AGAP2: variants seen among roughly 807,000 people sequenced by gnomAD.
AGAP2 encodes the protein ArfGAP with GTPase domain, ankyrin repeat and PH domain 2, also known as arf-GAP with GTPase, ANK repeat and PH domain-containing protein 2.
AGAP2 carries 32 observed loss-of-function variants against 110.9 expected under a neutral mutation model. The observed-to-expected ratio is 0.29, with a 90% CI of 0.22 to 0.39. The LOEUF is 0.39. Ranked by LOEUF, AGAP2 falls within the 10% of genes least tolerant of loss-of-function variation. The probability of loss-of-function intolerance (pLI) is 1.00; values close to 1 mark genes in which losing one functional copy is unlikely to be tolerated. For synonymous variants in AGAP2, 702 were observed against 713.0 expected, an observed-to-expected ratio of 0.98 and a Z score of 0.25; for missense variants, 1,285 against 1,638.5, an observed-to-expected ratio of 0.78 and a Z score of 3.72.
At chr12:57,732,143 A>G (rs1271121128) in intron 7 of AGAP2, among the ~76,000 whole-genome samples, 176 bp from the exon 8 acceptor site, 1 of 152,238 alleles carries the variant, frequency 6.6e-6, no homozygotes, top group African/African-American at 2.4e-5. Flanking sequence ...TAAATGTTGT[A>G]AAGGTTGATT....
rs1437599713 is a variant in AGAP2 at position 57,726,906 on chromosome 12, T to G, written c.3336+68A>C. ...CGGGGTCCCTCTGGGAATTTCGGGC[T>G]TTCCCGCGCCAGGCGTTTTCCGAGA... is the stretch of plus-strand genomic sequence containing the variant. On this transcript the variant is annotated intron_variant, in intron 18 of 18. Transcript: ENST00000547588. The surrounding 1 kb of genome is among the most constrained non-coding windows in gnomAD (Gnocchi z 5.7). 2.7e-6 allele frequency: 4 copies of G among 1,485,990 alleles called. No homozygotes were observed. In the Admixed American group the frequency reaches 9.2e-5, roughly 34 times the overall value. The allele number at this position is 1,485,990 out of a possible 1,614,324, so 92.1% of individuals were successfully genotyped here.
intron 10 of AGAP2, 142 bp from the exon 11 acceptor site, chr12:57,731,095 G>A: frequency 4.2e-6 from 4 of 959,212 alleles, no homozygotes; most frequent in Non-Finnish European, 6.0e-6. Flanking sequence ...TAGGGGATGG[G>A]CCCATCAGAC....
At chr12:57,741,998 G>A (rs755630627), upstream of AGAP2, 2 of 1,614,044 alleles carry the variant, frequency 1.2e-6, no homozygotes, top group Admixed American at 1.7e-5. Flanking sequence ...GCGGTTTAGA[G>A]CCTGCTTGGC....
chr12:57,729,587 T>C (rs1954844253), intron 13 of AGAP2, 52 bp downstream of exon 13: 1 of 1,582,642 alleles, frequency 6.3e-7, no homozygotes, highest in Non-Finnish European at 8.6e-7. Flanking sequence ...AGGGAGCTGA[T>C]GTTGGGGATG....
chr12:57,738,945 C>A (rs1194702305), upstream of AGAP2, among the ~76,000 whole-genome samples: 1 of 151,942 alleles, frequency 6.6e-6, no homozygotes, highest in Non-Finnish European at 1.5e-5. This position sits in a 1 kb window ranked among gnomAD's most constrained non-coding sequence, Gnocchi z 6.7. Flanking sequence ...CGCGCTGTGT[C>A]CGGGCGCTCC....
rs1432619645 is a variant in AGAP2 at position 57,727,415 on chromosome 12, G to T, written c.3025C>A (p.Arg1009Ser). 1.9e-6 allele frequency: 3 copies of T among 1,613,342 alleles called. No homozygotes were observed. Among genetic ancestry groups the T allele is most frequent in the Non-Finnish European group, 2.5e-6 (3 of 1,179,906 alleles). Residue 1009 changes from arginine to serine, a missense_variant, in exon 17 of 19, where the codon CGC (arginine) becomes AGC (serine). Physicochemically the swap from Arg to Ser is moderately radical, Grantham distance 110. Transcript: ENST00000547588. ...CCTCGCGTGTCGCTTTCCCACACGC[G>T]GTTGGCCGTGTCGTTGCCAATAGCC... is the stretch of plus-strand genomic sequence containing the variant. ...LTAIGNDTAN[R>S]VWESDTRGRA...
intron 1 of AGAP2, 49 bp from the exon 2 acceptor site, chr12:57,735,476 A>AC (rs1402763836): frequency 6.4e-7 from 1 of 1,554,376 alleles, no homozygotes; most frequent in African/African-American, 1.4e-5. Flanking sequence ...GCTCAGAAGG[A>AC]CCCCCAACAC....
rs1157148065 is a variant in AGAP2, at chr12:57,734,690, G to A, written c.1228-11C>T. 15 of 1,613,818 alleles carry A rather than the reference G, an allele frequency of 9.3e-6. No homozygotes were observed. The highest frequency in any genetic ancestry group is 2.2e-5 in the East Asian group (1 of 44,882). Reference sequence around the variant, plus strand: ...ATCGCCCAGCACACCCTGAGGGCAAGGTTGTGGAGCAGAAATTGTGGGATA... The same window carrying A: ...ATCGCCCAGCACACCCTGAGGGCAAAGTTGTGGAGCAGAAATTGTGGGATA... On this transcript the variant is annotated splice_polypyrimidine_tract_variant and intron_variant, in intron 2 of 18. Coordinates refer to ENST00000547588, the MANE Select transcript of AGAP2 (RefSeq NM_001122772.3).
intron 7 of AGAP2, 24 bp from the exon 8 acceptor site, chr12:57,731,991 C>G: frequency 1.2e-6 from 2 of 1,610,724 alleles, no homozygotes; most frequent in Non-Finnish European, 1.7e-6. Context: ...GAAGAGTCAG[C>G]AGAGCTGAGA....
At chr12:57,729,858 G>A (rs1363925644) in intron 12 of AGAP2, 91 bp from the exon 13 acceptor site, 2 of 1,501,000 alleles carry the variant, frequency 1.3e-6, no homozygotes, top group African/African-American at 1.4e-5. Flanking sequence ...ACTAGCTTTG[G>A]CATTTTAGGG....
chr12:57,737,689 A>G lies in AGAP2; in HGVS notation c.558T>C (p.Ala186=). The change falls in exon 1 of 19, where the codon GCT becomes GCC. Residue 186 remains alanine, a synonymous_variant. Coordinates refer to ENST00000547588, the MANE Select transcript of AGAP2 (RefSeq NM_001122772.3). This position sits in a 1 kb window ranked among gnomAD's most constrained non-coding sequence, Gnocchi z 5.9. The part of the protein sequence containing the change: ...RRLKVAPPPP[A]PKPCKTVTTS... ...TGGTCACGGTCTTGCAAGGCTTGGG[A>G]GCCGGCGGAGGAGGCGCCACCTTGA... 6.5e-7 allele frequency: 1 copy of G among 1,549,420 alleles called. No individual in the cohort carries two copies. The highest frequency in any genetic ancestry group is 8.7e-7 in the Non-Finnish European group (1 of 1,149,660).
At position 57,734,337 on chromosome 12, in the gene AGAP2, A is replaced by T; in HGVS notation, c.1383T>A (p.Ala461=). ...QTHLVLIREE[A]GAPDAKFSGW... ...CCCTCACCTTGGCATCAGGTGCCCCAGCTTCCTCTCGGATTAGCACCAGAT... is the reference window on the plus strand; with the variant it reads ...CCCTCACCTTGGCATCAGGTGCCCCTGCTTCCTCTCGGATTAGCACCAGAT... The change falls in exon 4 of 19, where the codon GCT becomes GCA. Residue 461 remains alanine, a synonymous_variant. Coordinates refer to ENST00000547588, the MANE Select transcript of AGAP2 (RefSeq NM_001122772.3). 1 of 1,614,132 alleles carries T rather than the reference A, an allele frequency of 6.2e-7. No individual in the cohort carries two copies. Among genetic ancestry groups the T allele is most frequent in the Non-Finnish European group, 8.5e-7 (1 of 1,180,024 alleles).
intron 3 of AGAP2, 79 bp from the exon 4 acceptor site, chr12:57,734,483 T>TA: frequency 1.3e-6 from 2 of 1,588,394 alleles, no homozygotes; most frequent in Non-Finnish European, 1.7e-6. Flanking sequence ...GTGCTTTTGC[T>TA]ATTATGGCCT....
At chr12:57,724,991 C>T (rs749230969), downstream of AGAP2, 4 of 152,608 alleles carry the variant, frequency 2.6e-5, no homozygotes, top group Non-Finnish European at 5.9e-5. Context: ...CCCAGGGTCC[C>T]CACTGACTCC....
Position 57,738,138 on chromosome 12 carries a change from C to T in AGAP2, c.109G>A (p.Ala37Thr). 2 of 1,521,962 alleles carry T rather than the reference C, an allele frequency of 1.3e-6. No homozygotes were observed. The highest frequency in any genetic ancestry group is 1.4e-5 in the African/African-American group (1 of 71,116). 94.3% of individuals were successfully genotyped at this position (1,521,962 alleles called of 1,614,324 possible). ...CTGGCACCGGCGGCGCCGGCCGCGGCCGCAGACGGAGAAGGCGGCGGCGGA... is the reference window on the plus strand; with the variant it reads ...CTGGCACCGGCGGCGCCGGCCGCGGTCGCAGACGGAGAAGGCGGCGGCGGA... ...VPPPPPSPSA[A>T]AAGAAGARGS... The change falls in exon 1 of 19, where the codon GCC (alanine) becomes ACC (threonine). Residue 37 changes from alanine (A) to threonine (T), a missense_variant. By Grantham distance (58) the Ala-to-Thr change is moderately conservative (BLOSUM62 0). Transcript: ENST00000547588. The surrounding 1 kb of genome is among the most constrained non-coding windows in gnomAD (Gnocchi z 6.7).
rs1050792822 is a variant in AGAP2 at position 57,735,020 on chromosome 12, G to T, written c.1228-341C>A. The stretch of plus-strand genomic sequence containing the variant: ...TGTGTGTGTGTCTCTGTGTGTGTGT[G>T]TTTGTAGCATGTCACAGCTCTAGGC... On this transcript the variant is annotated intron_variant, in intron 2 of 18. Transcript: ENST00000547588. 5.9e-5 allele frequency among the ~76,000 whole-genome samples: 9 copies of T among 151,430 alleles called. No individual in the cohort carries two copies. The Admixed American group carries it at 6.0e-4, about 10-fold the overall frequency.
rs758550845 is a variant in AGAP2 at position 57,729,681 on chromosome 12, T to A, written c.2515A>T (p.Thr839Ser). 10 of 1,613,678 alleles carry A rather than the reference T, an allele frequency of 6.2e-6. No individual in the cohort carries two copies. The highest frequency in any genetic ancestry group is 7.6e-6 in the Non-Finnish European group (9 of 1,179,888). ...MVKKQRRKKL[T>S]TPSKTEGSAG... ...GAGCCTTCAGTCTTGGATGGTGTTGTCAATTTTTTCCTCCTCTGCTTCTTC... is the reference window on the plus strand; with the variant it reads ...GAGCCTTCAGTCTTGGATGGTGTTGACAATTTTTTCCTCCTCTGCTTCTTC... The change falls in exon 13 of 19, where the codon ACA becomes TCA. Residue 839 changes from threonine to serine, a missense_variant. Around this residue, in one of 7 missense-constraint regions of AGAP2, gnomAD observed 135 missense variants for 182.0 expected, o/e 0.74. Coordinates refer to ENST00000547588, the MANE Select transcript of AGAP2 (RefSeq NM_001122772.3).
Position 57,727,500 on chromosome 12 carries a change from C to G in AGAP2, c.2940G>C (p.Leu980=), listed in dbSNP as rs1399257493. Residue 980 remains leucine, a synonymous_variant, in exon 17 of 19, where the codon CTG becomes CTC. Coordinates refer to ENST00000547588, the MANE Select transcript of AGAP2 (RefSeq NM_001122772.3). The part of the protein sequence containing the change: ...SGIHRNLGTH[L]SRVRSLDLDD... ...CCAAGTCCAGCGAGCGAACGCGGGA[C>G]AGGTGTGTGCCCAGGTTGCGGTGGA... 8 of 1,612,616 alleles carry G rather than the reference C, an allele frequency of 5.0e-6. No homozygotes were observed. The highest frequency in any genetic ancestry group is 6.8e-6 in the Non-Finnish European group (8 of 1,179,606).
chr12:57,738,385 C>A lies in AGAP2; in HGVS notation c.-139G>T, dbSNP rs1222122479. Reference sequence around the variant, plus strand: ...GCCCCCGGCCCGGCTCCGCTGTCGCCGCCGCCTCCGCCGCCTCCGCTTGCG... The same window carrying A: ...GCCCCCGGCCCGGCTCCGCTGTCGCAGCCGCCTCCGCCGCCTCCGCTTGCG... On this transcript the variant is annotated 5_prime_UTR_variant, in exon 1 of 19. Coordinates refer to ENST00000547588, the MANE Select transcript of AGAP2 (RefSeq NM_001122772.3). This position sits in a 1 kb window ranked among gnomAD's most constrained non-coding sequence, Gnocchi z 6.7. 1.8e-5 allele frequency: 19 copies of A among 1,042,412 alleles called. No homozygotes were observed. The highest frequency in any genetic ancestry group is 2.2e-5 in the Non-Finnish European group (18 of 823,538). The allele number at this position is 1,042,412 out of a possible 1,614,324, so 64.6% of individuals were successfully genotyped here.
Sources: gnomAD v4.1 joint callset for allele counts (sites outside exome capture counted in the v4.1 genomes callset) on GRCh38, gnomAD v4.1.1 for gene constraint, gnomAD v4.1.1 regional missense constraint, Gnocchi (gnomAD v3.1) non-coding constraint, MANE v1.5 for transcripts, NCBI Gene and HGNC (gene_info 2026-07-23, HGNC 2026-07-21) for gene names.